AMPD3: variants seen among roughly 807,000 people sequenced by gnomAD.
AMPD3 encodes AMP deaminase 3.
AMPD3 carries 57 observed loss-of-function variants against 82.3 expected under a neutral mutation model. That is an observed-to-expected ratio of 0.69 (90% CI 0.56 to 0.86). AMPD3 has a LOEUF of 0.86. AMPD3 is among the 40% of genes least tolerant of loss of function. AMPD3 has a pLI of 0.00. For synonymous variants in AMPD3, 381 were observed against 394.7 expected (o/e 0.97, Z 0.41); for missense variants, 870 against 1,003.8 (o/e 0.87, Z 1.80).
upstream of AMPD3, among the ~76,000 whole-genome samples, chr11:10,453,375 G>A (rs1848008022): frequency 6.6e-6 from 1 of 152,188 alleles, no homozygotes; most frequent in East Asian, 1.9e-4. Context: ...ACAAATACTT[G>A]CTGAATGTCG....
At chr11:10,488,609 A>G (rs934362104) in intron 6 of AMPD3, among the ~76,000 whole-genome samples, 1 of 152,108 alleles carries the variant, frequency 6.6e-6, no homozygotes, top group Non-Finnish European at 1.5e-5. Context: ...TGGATCATGC[A>G]GGGGCTGTGG....
chr11:10,460,835 G>A (rs1848247942), intron 1 of AMPD3: 2 of 955,616 alleles, frequency 2.1e-6, no homozygotes, highest in Non-Finnish European at 2.5e-6. Flanking sequence ...GTGACTGTTA[G>A]TAAGGAATCA....
rs1401978843 is a variant in AMPD3 at position 10,500,108 on chromosome 11, A to G, written c.1580A>G (p.Asp527Gly). ...CAGGTGACGGGGTTTGACAGCGTGGATGATGAGTCCAAGCACAGCGACCAC... is the reference window on the plus strand; with the variant it reads ...CAGGTGACGGGGTTTGACAGCGTGGGTGATGAGTCCAAGCACAGCGACCAC... ...LKYVTGFDSV[D>G]DESKHSDHMF... is the part of the protein sequence containing the mutation. The change falls in exon 11 of 15, where the codon GAT becomes GGT. Residue 527 changes from aspartate (D) to glycine (G), a missense_variant. Transcript: ENST00000396553. 6.2e-7 allele frequency: 1 copy of G among 1,614,204 alleles called. No individual in the cohort carries two copies. Among genetic ancestry groups the G allele is most frequent in the Non-Finnish European group, 8.5e-7 (1 of 1,180,034 alleles).
At position 10,478,658 on chromosome 11, in the gene AMPD3, C is replaced by T; in HGVS notation, c.354C>T (p.Ser118=). The T allele has an allele frequency of 6.2e-7, 1 of 1,614,220 alleles. No individual in the cohort carries two copies. Among genetic ancestry groups the T allele is most frequent in the Non-Finnish European group, 8.5e-7 (1 of 1,180,040 alleles). Residue 118 remains serine (S), a synonymous_variant, in exon 3 of 15, where the codon TCC becomes TCT. Coordinates refer to ENST00000396553, the MANE Select transcript of AMPD3 (RefSeq NM_001025389.2). ...CCCCTGTGGTCACTGGAGCCACTTC[C>T]CTGCCCACGCCAGCACCCTATGCCA... ...PTTPVVTGAT[S]LPTPAPYAMP...
At chr11:10,500,453 G>C (rs11042857) in intron 11 of AMPD3, 8,395 of 564,916 alleles carry the variant, frequency 0.015, 187 homozygotes, top group African/African-American at 0.074. Flanking sequence ...TCACACACAT[G>C]CAAACATGCC....
chr11:10,485,040 G>A lies in AMPD3; in HGVS notation c.809+1G>A, dbSNP rs757174941. 84 of 1,612,326 alleles carry A rather than the reference G, an allele frequency of 5.2e-5. No homozygotes were observed. Among genetic ancestry groups the A allele is most frequent in the Non-Finnish European group, 6.4e-5 (76 of 1,179,532 alleles). ...TGGCTCTCATCACCGATGGCCCCAC[G>A]TAAGCTAGCTTCTCCGCGGCTGCCT... On this transcript the variant is annotated splice_donor_variant, in intron 5 of 14. Coordinates refer to ENST00000396553, the MANE Select transcript of AMPD3 (RefSeq NM_001025389.2). LOFTEE classifies it high-confidence loss of function.
At chr11:10,490,774 T>C (rs1316249205) in intron 6 of AMPD3, among the ~76,000 whole-genome samples, 1 of 152,254 alleles carries the variant, frequency 6.6e-6, no homozygotes, top group African/African-American at 2.4e-5. Context: ...TGAGTCATGC[T>C]GAGGTCATTG....
Position 10,487,254 on chromosome 11 carries a change from C to A in AMPD3, c.829C>A (p.Arg277=). Residue 277 remains arginine, a synonymous_variant, in exon 6 of 15, where the codon CGA becomes AGA. Coordinates refer to ENST00000396553, the MANE Select transcript of AMPD3 (RefSeq NM_001025389.2). The stretch of plus-strand genomic sequence containing the variant: ...TTGCAGGAAAACCTATTGTCACCGG[C>A]GACTGAACTTTCTGGAATCCAAGTT... ...DGPTKTYCHR[R]LNFLESKFSL... is the part of the protein sequence containing the mutation. 2 of 1,614,116 alleles carry A rather than the reference C, an allele frequency of 1.2e-6. No individual in the cohort carries two copies. Among genetic ancestry groups the A allele is most frequent in the Non-Finnish European group, 1.7e-6 (2 of 1,180,006 alleles).
At chr11:10,497,571 C>T (rs927782345) in intron 10 of AMPD3, 17 of 985,242 alleles carry the variant, frequency 1.7e-5, no homozygotes, top group Non-Finnish European at 2.0e-5. Context: ...GGGAGAGGCA[C>T]AGCGGGGAGC....
Position 10,505,882 on chromosome 11 carries a change from T to G in AMPD3, c.2302T>G (p.Ter768GluextTer41), listed in dbSNP as rs1849704743. 2 of 1,614,154 alleles carry G rather than the reference T, an allele frequency of 1.2e-6. No homozygotes were observed. The highest frequency in any genetic ancestry group is 1.1e-5 in the South Asian group (1 of 91,082). ...AGAAGAGATCACCGCCTTGACCAAC[T>G]AGGTCCAGCATTTGACATGCATTTT... ...KSEEITALTN[*>E] The change falls in exon 15 of 15, where the codon TAG (stop) becomes GAG (glutamate). Residue 768 changes from the stop codon to glutamate (E), a stop_lost. Transcript: ENST00000396553.
intron 2 of AMPD3, chr11:10,473,531 G>A: frequency 1.0e-6 from 1 of 985,296 alleles, no homozygotes; most frequent in Middle Eastern, 5.2e-4. Flanking sequence ...AGAGGGTGGG[G>A]CTGTGAGTTT....
chr11:10,504,637 T>C lies in AMPD3; in HGVS notation c.2105T>C (p.Leu702Pro), dbSNP rs1591489950. 1.9e-6 allele frequency: 3 copies of C among 1,614,202 alleles called. No individual in the cohort carries two copies. Among genetic ancestry groups the C allele is most frequent in the Middle Eastern group, 3.3e-4 (2 of 6,062 alleles). Residue 702 changes from leucine (L) to proline (P), a missense_variant, in exon 14 of 15, where the codon CTG becomes CCG. Leu to Pro is a moderately conservative substitution (Grantham distance 98). Coordinates refer to ENST00000396553, the MANE Select transcript of AMPD3 (RefSeq NM_001025389.2). ...DLCEIARNSV[L>P]QSGLSHQEKQ... ...TGTGAGATCGCCAGGAACAGCGTGC[T>C]GCAGAGCGGCCTCTCGCATCAGGTA...
intron 2 of AMPD3, among the ~76,000 whole-genome samples, chr11:10,470,076 G>A (rs1266308709): frequency 2.0e-5 from 3 of 151,442 alleles, no homozygotes; most frequent in Non-Finnish European, 4.4e-5. Context: ...TAATATACTG[G>A]CAAACCAAAT....
intron 1 of AMPD3, chr11:10,455,820 G>T (rs376452386): frequency 1.2e-6 from 1 of 836,654 alleles, no homozygotes; most frequent in African/African-American, 1.8e-5. Context: ...TGGGAGGGCT[G>T]CTTTAGGGGG....
chr11:10,478,790 G>T lies in AMPD3; in HGVS notation c.426+60G>T, dbSNP rs1268974428. 6 of 1,567,888 alleles carry T rather than the reference G, an allele frequency of 3.8e-6. No homozygotes were observed. In the East Asian group the frequency reaches 1.3e-4, roughly 35 times the overall value. On this transcript the variant is annotated intron_variant, in intron 3 of 14. Coordinates refer to ENST00000396553, the MANE Select transcript of AMPD3 (RefSeq NM_001025389.2). ...CATGCAAAGGCCAGGGGCCCCATGG[G>T]CCACAGGGTCGTGCCTCCCTCTGGA...
chr11:10,493,806 G>C (rs1849312491), intron 7 of AMPD3: 2 of 554,954 alleles, frequency 3.6e-6, no homozygotes, highest in Non-Finnish European at 6.5e-6. Context: ...GTGCCCTTAG[G>C]CAACTCACAG....
chr11:10,494,275 T>C (rs982518690), intron 7 of AMPD3, among the ~76,000 whole-genome samples: 1 of 152,072 alleles, frequency 6.6e-6, no homozygotes, highest in South Asian at 2.1e-4. Context: ...GTCCCTAGAA[T>C]AGGCAAATTC....
At chr11:10,487,405 C>T (rs1205507519) in intron 6 of AMPD3, 41 bp downstream of exon 6, 2 of 1,611,846 alleles carry the variant, frequency 1.2e-6, no homozygotes, top group Non-Finnish European at 1.7e-6. Flanking sequence ...TCACCCGGTC[C>T]CCCTCCCAGC....
intron 8 of AMPD3, 38 bp downstream of exon 8, chr11:10,495,068 G>A (rs376808176): frequency 6.2e-7 from 1 of 1,613,768 alleles, no homozygotes; most frequent in Non-Finnish European, 8.5e-7. Flanking sequence ...CCTCTCAGGT[G>A]CCTCCCAACA....
Sources: allele counts gnomAD v4.1 joint callset (sites outside exome capture counted in the v4.1 genomes callset), GRCh38; gene constraint gnomAD v4.1.1; transcripts MANE v1.5; gene names NCBI Gene and HGNC (gene_info 2026-07-23, HGNC 2026-07-21).